Variants in CSMD1 observed in about 807,000 individuals in gnomAD.
CSMD1 encodes CUB and sushi domain-containing protein 1.
Under a neutral mutation model 417.5 loss-of-function variants are expected in CSMD1, and 213 were observed. That is an observed-to-expected ratio of 0.51 (90% CI 0.46 to 0.57). The LOEUF is 0.57. CSMD1 is among the 20% of genes least tolerant of loss of function. The pLI, the probability that CSMD1 is intolerant of heterozygous loss-of-function variation, is 0.00. For missense variants in CSMD1, 6,923 were observed against 4,529.7 expected, an observed-to-expected ratio of 1.53 and a Z score of -15.17; for synonymous variants, 2,862 against 1,736.8, an observed-to-expected ratio of 1.65 and a Z score of -16.11.
intron 1 of CSMD1, among the ~76,000 whole-genome samples, chr8:4,794,925 C>T (rs577209258): frequency 2.6e-5 from 4 of 151,296 alleles, no homozygotes; most frequent in African/African-American, 9.7e-5. Context: ...TCATTTAGAA[C>T]GCTGGGAAGG....
intron 5 of CSMD1, among the ~76,000 whole-genome samples, chr8:3,953,713 G>A (rs77576054): frequency 2.8e-3 from 426 of 152,216 alleles, no homozygotes; most frequent in African/African-American, 9.6e-3. Flanking sequence ...TAGGCACGGG[G>A]ACTCAGGAGA....
chr8:4,455,014 C>A (rs1799382498), intron 2 of CSMD1, among the ~76,000 whole-genome samples: 1 of 151,906 alleles, frequency 6.6e-6, no homozygotes. Flanking sequence ...GTTGCTATCC[C>A]AGTGTGTCAG....
At chr8:3,515,374 A>C (rs1467313967) in intron 10 of CSMD1, 2 of 152,224 alleles carry the variant, frequency 1.3e-5, no homozygotes, top group African/African-American at 4.8e-5. Context: ...ATCAACAAAA[A>C]CTAAGGCTCT....
At chr8:4,050,068 C>A (rs548889938) in intron 3 of CSMD1, among the ~76,000 whole-genome samples, 2 of 152,076 alleles carry the variant, frequency 1.3e-5, no homozygotes, top group Non-Finnish European at 1.5e-5. Context: ...TGGAACTTGT[C>A]TGGTGTTTTC....
At chr8:3,266,271 C>T (rs1046172385) in intron 26 of CSMD1, among the ~76,000 whole-genome samples, 7 of 150,938 alleles carry the variant, frequency 4.6e-5, no homozygotes, top group South Asian at 2.1e-4. Context: ...GGTTGTAAGG[C>T]GGAAAGGCAG....
chr8:4,047,972 G>C (rs1280162981), intron 3 of CSMD1, among the ~76,000 whole-genome samples: 1 of 152,146 alleles, frequency 6.6e-6, no homozygotes, highest in East Asian at 1.9e-4. Flanking sequence ...CTTAGGCCTT[G>C]TTTCTTTTCA....
chr8:2,949,771 C>T (rs1250136002), intron 67 of CSMD1, among the ~76,000 whole-genome samples: 1 of 152,094 alleles, frequency 6.6e-6, no homozygotes, highest in Non-Finnish European at 1.5e-5. Context: ...TGGCTGTCTA[C>T]CCTTAAGTCA....
At chr8:3,725,422 C>A (rs143291183) in intron 6 of CSMD1, among the ~76,000 whole-genome samples, 92 of 152,226 alleles carry the variant, frequency 6.0e-4, no homozygotes, top group African/African-American at 2.2e-3. Flanking sequence ...TAAAAGGAAG[C>A]AGAGATTTGG....
chr8:4,730,253 T>G (rs1809756389), intron 1 of CSMD1, among the ~76,000 whole-genome samples: 1 of 152,052 alleles, frequency 6.6e-6, no homozygotes, highest in South Asian at 2.1e-4. Context: ...ATATATATAC[T>G]TTTTTATGTT....
intron 57 of CSMD1, among the ~76,000 whole-genome samples, chr8:2,967,982 C>T (rs970756735): frequency 1.3e-5 from 2 of 152,132 alleles, no homozygotes; most frequent in Non-Finnish European, 2.9e-5. Flanking sequence ...CAATCACAGC[C>T]CTCTTCTCTG....
At chr8:3,644,885 C>G (rs1408490877) in intron 7 of CSMD1, among the ~76,000 whole-genome samples, 1 of 141,484 alleles carries the variant, frequency 7.1e-6, no homozygotes, top group Non-Finnish European at 1.5e-5. Context: ...ATCTGCCATG[C>G]AGTGATTAGA....
At chr8:4,342,403 A>G (rs1800530367) in intron 3 of CSMD1, among the ~76,000 whole-genome samples, 1 of 152,114 alleles carries the variant, frequency 6.6e-6, no homozygotes, top group Non-Finnish European at 1.5e-5. Context: ...AAATGTGTGA[A>G]TAGGTTAATC....
chr8:4,312,856 C>A (rs1047205794), intron 3 of CSMD1, among the ~76,000 whole-genome samples: 4 of 152,066 alleles, frequency 2.6e-5, no homozygotes, highest in Non-Finnish European at 5.9e-5. Context: ...AAGAGTGAAA[C>A]CCCATCTCAA....
At chr8:3,592,406 G>T (rs935986611) in intron 8 of CSMD1, among the ~76,000 whole-genome samples, 3 of 152,018 alleles carry the variant, frequency 2.0e-5, no homozygotes, top group Non-Finnish European at 4.4e-5. Flanking sequence ...AAATACATTA[G>T]GTAAAATGTT....
chr8:4,807,578 G>T (rs779238305), intron 1 of CSMD1, among the ~76,000 whole-genome samples: 2 of 152,016 alleles, frequency 1.3e-5, no homozygotes, highest in Non-Finnish European at 2.9e-5. Context: ...CTTTGGAATG[G>T]GTTGTTACTC....
intron 7 of CSMD1, among the ~76,000 whole-genome samples, chr8:3,701,485 C>G (rs552862448): frequency 3.4e-5 from 5 of 147,982 alleles, no homozygotes; most frequent in Non-Finnish European, 7.4e-5. Flanking sequence ...GGGCAAAAGA[C>G]TCTTCAGGAT....
intron 37 of CSMD1, among the ~76,000 whole-genome samples, chr8:3,162,855 T>C (rs1041763959): frequency 6.6e-6 from 1 of 152,212 alleles, no homozygotes; most frequent in African/African-American, 2.4e-5. Context: ...GCTGTAATCC[T>C]GCACTTTCCT....
chr8:3,065,429 A>G (rs550165012), intron 49 of CSMD1, among the ~76,000 whole-genome samples: 1 of 152,274 alleles, frequency 6.6e-6, no homozygotes, highest in Non-Finnish European at 1.5e-5. Flanking sequence ...TAGAGAGATG[A>G]TAGGAAGATA....
chr8:4,049,193 C>A (rs539655913), intron 3 of CSMD1, among the ~76,000 whole-genome samples: 2 of 151,904 alleles, frequency 1.3e-5, no homozygotes, highest in African/African-American at 4.8e-5. Context: ...TTAGGTGTTG[C>A]GTCTTTCTCT....
Sources: allele counts gnomAD v4.1 joint callset (sites outside exome capture counted in the v4.1 genomes callset), GRCh38; gene constraint gnomAD v4.1.1; transcripts MANE v1.5; gene names NCBI Gene and HGNC (gene_info 2026-07-23, HGNC 2026-07-21).